LAMC3: variants seen among roughly 807,000 people sequenced by gnomAD.
The protein encoded by LAMC3 is laminin subunit gamma 3.
A neutral mutation model predicts 173.8 loss-of-function variants in LAMC3; 128 were observed. The ratio of observed to expected loss-of-function variants is 0.74; its 90% CI spans 0.64 to 0.85. LAMC3 has a LOEUF of 0.85. Among genes scored for constraint, LAMC3 ranks in the 40% least tolerant of loss-of-function variants. LAMC3 has a pLI of 0.00. For missense variants in LAMC3, 2,022 were observed against 2,156.0 expected (o/e 0.94, Z 1.23); for synonymous variants, 897 against 909.1 (o/e 0.99, Z 0.24).
intron 3 of LAMC3, among the ~76,000 whole-genome samples, chr9:131,032,576 C>CTCGCTCTCTCTCTTGCTCTCTCTT (rs1564368458): frequency 1.4e-5 from 2 of 142,942 alleles, no homozygotes; most frequent in South Asian, 4.3e-4. Flanking sequence ...CTTGCTCTCT[C>CTCGCTCTCTCTCTTGCTCTCTCTT]TCGCTTGCTC....
At chr9:131,070,567 C>T (rs1465645411) in intron 17 of LAMC3, among the ~76,000 whole-genome samples, 12 of 152,158 alleles carry the variant, frequency 7.9e-5, no homozygotes, top group South Asian at 2.1e-4. Context: ...AAAAATTCGC[C>T]GGGTGGGGTG....
chr9:131,075,679 C>A, intron 20 of LAMC3, 152 bp from the exon 21 acceptor site: 1 of 784,908 alleles, frequency 1.3e-6, no homozygotes, highest in Non-Finnish European at 2.1e-6. Flanking sequence ...CCTTGAAGTG[C>A]GTAACACAGA....
chr9:131,027,049 G>T (rs1833732475), intron 2 of LAMC3, among the ~76,000 whole-genome samples: 1 of 152,220 alleles, frequency 6.6e-6, no homozygotes, highest in African/African-American at 2.4e-5. Flanking sequence ...GCCACAGAAG[G>T]CTTGTTGCAC....
chr9:131,066,965 C>T lies in LAMC3; in HGVS notation c.2353C>T (p.Arg785Cys), dbSNP rs144930767. Residue 785 changes from arginine to cysteine, a missense_variant, in exon 14 of 28, where the codon CGC becomes TGC. Physicochemically the swap from Arg to Cys is radical, Grantham distance 180. Transcript: ENST00000361069. The part of the protein sequence containing the change: ...THCPPGQRGR[R>C]CEVCDDGFFG... ...CGTGCTCCCTCTACACACAGGGCGG[C>T]GCTGTGAGGTCTGTGATGATGGCTT... 149 of 1,613,738 alleles carry T rather than the reference C, an allele frequency of 9.2e-5. No individual in the cohort carries two copies. The highest frequency in any genetic ancestry group is 4.9e-4 in the Middle Eastern group (3 of 6,062).
At chr9:131,058,419 T>TCC (rs1429846287) in intron 12 of LAMC3, among the ~76,000 whole-genome samples, 1 of 148,900 alleles carries the variant, frequency 6.7e-6, no homozygotes, top group Non-Finnish European at 1.5e-5. Flanking sequence ...GGCCAACTGA[T>TCC]CCCCACTTTT....
At chr9:131,036,435 G>A (rs1329083671) in intron 4 of LAMC3, 103 bp downstream of exon 4, 4 of 1,286,770 alleles carry the variant, frequency 3.1e-6, no homozygotes, top group Middle Eastern at 2.2e-4. Context: ...TCCTGGGTAC[G>A]CCCCGGGGGC....
chr9:131,071,743 T>TG, intron 18 of LAMC3, 118 bp downstream of exon 18: 2 of 1,008,320 alleles, frequency 2.0e-6, no homozygotes, highest in Non-Finnish European at 2.8e-6. Flanking sequence ...GCCATGGGCC[T>TG]TTACTTCCCT....
chr9:131,049,774 C>T (rs1169405783), intron 9 of LAMC3, among the ~76,000 whole-genome samples: 1 of 152,230 alleles, frequency 6.6e-6, no homozygotes, highest in Non-Finnish European at 1.5e-5. Context: ...CGCCAGGCCA[C>T]TGCACCCTAA....
chr9:131,073,148 G>A (rs895405844), intron 19 of LAMC3, 97 bp from the exon 20 acceptor site: 19 of 942,152 alleles, frequency 2.0e-5, no homozygotes, highest in South Asian at 1.2e-4. Flanking sequence ...ATAAAACGAC[G>A]GGTGCCATCC....
intron 7 of LAMC3, among the ~76,000 whole-genome samples, chr9:131,043,151 C>T (rs546185321): frequency 7.1e-4 from 108 of 152,342 alleles, no homozygotes; most frequent in Non-Finnish European, 1.3e-3. Context: ...GCCATCTTTG[C>T]AGTCTGATCA....
chr9:131,083,801 T>C (rs1830282164), intron 24 of LAMC3, among the ~76,000 whole-genome samples: 1 of 147,282 alleles, frequency 6.8e-6, no homozygotes, highest in African/African-American at 2.5e-5. Context: ...TATTATGCCC[T>C]CAAAGATTAG....
At chr9:131,081,620 C>A (rs930918656) in intron 23 of LAMC3, among the ~76,000 whole-genome samples, 1 of 152,108 alleles carries the variant, frequency 6.6e-6, no homozygotes, top group African/African-American at 2.4e-5. Flanking sequence ...TGCAGGCATG[C>A]ACCACCACAC....
rs533838779 is a variant in LAMC3 at position 131,046,303 on chromosome 9, C to T, written c.1519+643C>T. 1.0e-3 allele frequency among the ~76,000 whole-genome samples: 155 copies of T among 148,892 alleles called. 1 individual carries two copies. Among genetic ancestry groups the T allele is most frequent in the African/African-American group, 3.5e-3 (140 of 40,266 alleles). ...TGCAGCCACCACCTCCCTGGGCTCA[C>T]GTGATCCTCCCACCTCAGCCTCCTG... On this transcript the variant is annotated intron_variant, in intron 8 of 27. Coordinates refer to ENST00000361069, the MANE Select transcript of LAMC3 (RefSeq NM_006059.4).
Position 131,075,868 on chromosome 9 carries a change from T to C in LAMC3, c.3532T>C (p.Trp1178Arg). ...CGCCACCAAGATCGCAGCCACTGCT[T>C]GGAGGGCCCTGCTCGCCTCCAACAC... ...DTATKIAATAWRALLASNTSY... is the reference protein window; with the variant it reads ...DTATKIAATARRALLASNTSY... The change falls in exon 21 of 28, where the codon TGG becomes CGG. Residue 1178 changes from tryptophan (W) to arginine (R), a missense_variant. By Grantham distance (101) the Trp-to-Arg change is moderately radical. Coordinates refer to ENST00000361069, the MANE Select transcript of LAMC3 (RefSeq NM_006059.4). The C allele has an allele frequency of 6.2e-7, 1 of 1,612,042 alleles. No individual in the cohort carries two copies. Among genetic ancestry groups the C allele is most frequent in the Non-Finnish European group, 8.5e-7 (1 of 1,178,988 alleles).
Position 131,009,604 on chromosome 9 carries a change from G to A in LAMC3, c.373+17G>A. 7 of 1,562,086 alleles carry A rather than the reference G, an allele frequency of 4.5e-6. No individual in the cohort carries two copies. The highest frequency in any genetic ancestry group is 4.8e-5 in the East Asian group (2 of 41,886). ...TCCGCCTAGGTAAGCGCGGGCTGGG[G>A]GCACCGCCACCGCACCCCGTGTCCC... On this transcript the variant is annotated intron_variant, in intron 1 of 27. Coordinates refer to ENST00000361069, the MANE Select transcript of LAMC3 (RefSeq NM_006059.4). This position sits in a 1 kb window ranked among gnomAD's most constrained non-coding sequence, Gnocchi z 4.3.
intron 4 of LAMC3, among the ~76,000 whole-genome samples, chr9:131,037,131 G>C (rs2133249569): frequency 6.6e-6 from 1 of 152,310 alleles, no homozygotes; most frequent in East Asian, 1.9e-4. Flanking sequence ...TGCCCTCGCT[G>C]GCCTGCCTCC....
At chr9:131,039,410 A>T (rs548848516) in intron 6 of LAMC3, among the ~76,000 whole-genome samples, 162 bp downstream of exon 6, 2 of 152,288 alleles carry the variant, frequency 1.3e-5, no homozygotes, top group South Asian at 4.1e-4. Flanking sequence ...TGGAGAGGCC[A>T]AGAGACAAAA....
intron 1 of LAMC3, among the ~76,000 whole-genome samples, chr9:131,014,029 C>T (rs975630335): frequency 3.3e-5 from 5 of 152,216 alleles, no homozygotes; most frequent in Non-Finnish European, 5.9e-5. Flanking sequence ...GTCAAGGCAG[C>T]GGCTGGTTAG....
intron 16 of LAMC3, 77 bp from the exon 17 acceptor site, chr9:131,069,595 C>T (rs1413356359): frequency 2.0e-6 from 3 of 1,463,880 alleles, no homozygotes; most frequent in African/African-American, 1.4e-5. Context: ...CACGCACTGC[C>T]CCTGGCCCCT....
Sources: gnomAD v4.1 joint callset for allele counts (sites outside exome capture counted in the v4.1 genomes callset) on GRCh38, gnomAD v4.1.1 for gene constraint, Gnocchi (gnomAD v3.1) non-coding constraint, MANE v1.5 for transcripts, NCBI Gene and HGNC (gene_info 2026-07-23, HGNC 2026-07-21) for gene names.